DOP1B: variants seen among roughly 807,000 people sequenced by gnomAD.
DOP1B encodes protein DOP1B.
A neutral mutation model predicts 233.5 loss-of-function variants in DOP1B; 174 were observed. The ratio of observed to expected loss-of-function variants is 0.75; its 90% CI spans 0.66 to 0.85. The LOEUF is 0.85. DOP1B is among the 40% of genes least tolerant of loss of function. The pLI is 0.00. For synonymous variants in DOP1B, 1,190 were observed against 1,185.6 expected (o/e 1.00, Z -0.08); for missense variants, 2,652 against 2,846.6 (o/e 0.93, Z 1.56).
At chr21:36,256,611 G>A (rs113945031) in intron 23 of DOP1B, among the ~76,000 whole-genome samples, 94 of 152,282 alleles carry the variant, frequency 6.2e-4, no homozygotes, top group Non-Finnish European at 1.2e-3. Context: ...AGATCTGTGC[G>A]TGCAGCGCGT....
intron 30 of DOP1B, among the ~76,000 whole-genome samples, chr21:36,279,181 C>T (rs1386802935): frequency 6.6e-6 from 1 of 151,040 alleles, no homozygotes; most frequent in Non-Finnish European, 1.5e-5. Flanking sequence ...GAGGCTTAGG[C>T]AGGAGGATTG....
intron 2 of DOP1B, among the ~76,000 whole-genome samples, chr21:36,182,094 A>C (rs2066105815): frequency 6.6e-6 from 1 of 152,150 alleles, no homozygotes; most frequent in African/African-American, 2.4e-5. Context: ...AGATTTTCCC[A>C]ATGCCTAGGA....
intron 26 of DOP1B, among the ~76,000 whole-genome samples, chr21:36,269,081 A>T (rs1308544502): frequency 1.3e-5 from 2 of 152,344 alleles, no homozygotes; most frequent in East Asian, 3.9e-4. Context: ...AATGCACTGT[A>T]AGTGCAAAAC....
intron 18 of DOP1B, among the ~76,000 whole-genome samples, chr21:36,241,832 C>G (rs867986821): frequency 6.6e-6 from 1 of 151,336 alleles, no homozygotes; most frequent in Non-Finnish European, 1.5e-5. Context: ...TGAGCCACCA[C>G]GCCTGGCTAT....
chr21:36,190,405 T>G (rs902951330), intron 2 of DOP1B, among the ~76,000 whole-genome samples: 1 of 151,964 alleles, frequency 6.6e-6, no homozygotes, highest in Non-Finnish European at 1.5e-5. Flanking sequence ...CTTTCTTTTT[T>G]TTTTCTTTTC....
chr21:36,184,180 C>G (rs1429120695), intron 2 of DOP1B, among the ~76,000 whole-genome samples: 4 of 152,100 alleles, frequency 2.6e-5, no homozygotes, highest in Non-Finnish European at 5.9e-5. Flanking sequence ...TCCCAAGTAG[C>G]TGGGATTACA....
At chr21:36,235,879 T>A (rs1339790527) in intron 15 of DOP1B, among the ~76,000 whole-genome samples, 1 of 147,260 alleles carries the variant, frequency 6.8e-6, no homozygotes, top group Non-Finnish European at 1.5e-5. Context: ...GGGGGCGGTC[T>A]ACGTAGTCAA....
At chr21:36,169,838 TG>T in intron 2 of DOP1B, 3 of 950,782 alleles carry the variant, frequency 3.2e-6, no homozygotes, top group Non-Finnish European at 5.2e-6. Context: ...AAACACCTTT[TG>T]CACTCATCGT....
chr21:36,264,378 C>T (rs1450701928), intron 26 of DOP1B, among the ~76,000 whole-genome samples: 1 of 152,110 alleles, frequency 6.6e-6, no homozygotes, highest in African/African-American at 2.4e-5. Flanking sequence ...CACCACTGCA[C>T]TTCAGCCTGG....
intron 32 of DOP1B, among the ~76,000 whole-genome samples, chr21:36,287,579 CTTTTTTTTTTTT>C (rs869203517): frequency 6.8e-5 from 5 of 73,124 alleles, no homozygotes; most frequent in Non-Finnish European, 9.6e-5. Flanking sequence ...TCCTAACATT[CTTTTTTTTTTTT>C]TTTTTTTTTT....
chr21:36,215,103 T>G (rs541940620), intron 9 of DOP1B, among the ~76,000 whole-genome samples: 2 of 152,348 alleles, frequency 1.3e-5, no homozygotes, highest in East Asian at 3.9e-4. Flanking sequence ...TTTGAGCTCC[T>G]ATAGTGTCTA....
At chr21:36,179,392 A>T (rs1252332826) in intron 2 of DOP1B, among the ~76,000 whole-genome samples, 2 of 152,212 alleles carry the variant, frequency 1.3e-5, no homozygotes, top group Non-Finnish European at 2.9e-5. Flanking sequence ...TGGTCATTTT[A>T]ATGAGAGTGT....
chr21:36,225,393 C>G (rs1373114213), intron 11 of DOP1B, among the ~76,000 whole-genome samples, 172 bp from the exon 12 acceptor site: 2 of 152,076 alleles, frequency 1.3e-5, no homozygotes, highest in African/African-American at 4.8e-5. Flanking sequence ...CCACACCTGG[C>G]TAATTTTTTT....
Position 36,219,413 on chromosome 21 carries a change from G to A in DOP1B, c.1171G>A (p.Ala391Thr), listed in dbSNP as rs1338315327. The change falls in exon 10 of 37, where the codon GCC becomes ACC. Residue 391 changes from alanine (A) to threonine (T), a missense_variant. By Grantham distance (58) the Ala-to-Thr change is moderately conservative. Transcript: ENST00000691173. ...GAATTTGTTTCTCGAAGTCATCAGGGCCTTTTATTCTTACTGCAGAGATGC... is the reference window on the plus strand; with the variant it reads ...GAATTTGTTTCTCGAAGTCATCAGGACCTTTTATTCTTACTGCAGAGATGC... ...VGNLFLEVIR[A>T]FYSYCRDALG... 2.5e-6 allele frequency: 4 copies of A among 1,614,118 alleles called. No homozygotes were observed. Among genetic ancestry groups the A allele is most frequent in the Non-Finnish European group, 2.5e-6 (3 of 1,180,024 alleles).
intron 12 of DOP1B, among the ~76,000 whole-genome samples, chr21:36,227,249 AAAAG>A (rs1569033897): frequency 6.8e-6 from 1 of 148,070 alleles, no homozygotes; most frequent in African/African-American, 2.5e-5. Context: ...AATAAAATAA[AAAAG>A]AAAATTAATG....
intron 9 of DOP1B, among the ~76,000 whole-genome samples, 191 bp downstream of exon 9, chr21:36,214,747 G>C (rs116619741): frequency 2.7e-3 from 410 of 152,306 alleles, no homozygotes; most frequent in Middle Eastern, 0.024. Flanking sequence ...TTGCATGGCT[G>C]GGCGCAGTGG....
chr21:36,231,672 T>G (rs990790584), intron 14 of DOP1B, among the ~76,000 whole-genome samples: 1 of 140,064 alleles, frequency 7.1e-6, no homozygotes, highest in Admixed American at 7.0e-5. Flanking sequence ...TTGTGTTGGG[T>G]TTTTTTGTTT....
chr21:36,186,943 C>G (rs954504556), intron 2 of DOP1B, among the ~76,000 whole-genome samples: 66 of 152,240 alleles, frequency 4.3e-4, no homozygotes, highest in African/African-American at 1.5e-3. Context: ...CACAGTTCCC[C>G]TCCCATTGAC....
chr21:36,273,059 GTC>G (rs2067308411), intron 27 of DOP1B, among the ~76,000 whole-genome samples: 1 of 149,826 alleles, frequency 6.7e-6, no homozygotes, highest in South Asian at 2.1e-4. Flanking sequence ...TCGAGATGGC[GTC>G]ACTGCACTCC....
Sources: allele counts gnomAD v4.1 joint callset (sites outside exome capture counted in the v4.1 genomes callset), GRCh38; gene constraint gnomAD v4.1.1; transcripts MANE v1.5; gene names NCBI Gene and HGNC (gene_info 2026-07-23, HGNC 2026-07-21).